Variants in GPM6A observed in about 807,000 individuals in gnomAD.
GPM6A encodes glycoprotein M6A, also known as neuronal membrane glycoprotein M6-a.
A neutral mutation model predicts 32.1 loss-of-function variants in GPM6A; 7 were observed. The ratio of observed to expected loss-of-function variants is 0.22; its 90% CI spans 0.12 to 0.41. The LOEUF (loss-of-function observed/expected upper bound fraction) is 0.41. Ranked by LOEUF, GPM6A falls within the 10% of genes least tolerant of loss-of-function variation. The pLI is 1.00. For synonymous variants in GPM6A, 130 were observed against 123.4 expected (o/e 1.05, Z -0.35); for missense variants, 235 against 347.2 (o/e 0.68, Z 2.57).
rs1383254558 is a variant in GPM6A, at chr4:175,818,448, T to C, written c.-22-6199A>G. ...ATACATATAGATATAGTCTGCAATA[T>C]ATATATAGAGAGAGAGTCAGTTCTA... On this transcript the variant is annotated intron_variant, in intron 1 of 7. Coordinates refer to the GPM6A transcript ENST00000280187. 3.3e-5 allele frequency among the ~76,000 whole-genome samples: 5 copies of C among 152,362 alleles called. No individual in the cohort carries two copies. The East Asian group carries it at 9.6e-4, about 29-fold the overall frequency.
upstream of GPM6A, among the ~76,000 whole-genome samples, chr4:175,813,753 C>G (rs975006643): frequency 5.3e-5 from 8 of 152,192 alleles, no homozygotes; most frequent in Admixed American, 4.6e-4. Flanking sequence ...CTAAATATTA[C>G]AAAAGCAGCT....
At chr4:175,856,053 C>T (rs889780277) in intron 1 of GPM6A, among the ~76,000 whole-genome samples, 4 of 152,030 alleles carry the variant, frequency 2.6e-5, no homozygotes, top group African/African-American at 7.2e-5. Context: ...AAATCTGGAA[C>T]ATCTTTTAGT....
chr4:175,848,318 A>G (rs980997498), intron 1 of GPM6A, among the ~76,000 whole-genome samples: 3 of 152,136 alleles, frequency 2.0e-5, no homozygotes, highest in Non-Finnish European at 4.4e-5. Flanking sequence ...CTATCTTTCC[A>G]TTTACCTCTG....
intron 1 of GPM6A, 79 bp downstream of exon 1, chr4:175,812,112 T>C: frequency 9.4e-7 from 1 of 1,064,134 alleles, no homozygotes; most frequent in Non-Finnish European, 1.4e-6. Flanking sequence ...TTCATTAGCC[T>C]TACTGGCAAG....
At chr4:175,835,585 AC>A (rs1305005528) in intron 1 of GPM6A, among the ~76,000 whole-genome samples, 5 of 148,340 alleles carry the variant, frequency 3.4e-5, no homozygotes, top group Non-Finnish European at 7.4e-5. Flanking sequence ...GTGTACTTCA[AC>A]CCCTTTTAGC....
intron 1 of GPM6A, chr4:175,962,296 T>A: frequency 8.1e-7 from 1 of 1,235,640 alleles, no homozygotes; most frequent in Non-Finnish European, 1.2e-6. Context: ...ACACCAGAAG[T>A]AAAAGTGAGT....
At chr4:175,734,249 T>A (rs1411851254) in intron 1 of GPM6A, among the ~76,000 whole-genome samples, 1 of 151,960 alleles carries the variant, frequency 6.6e-6, no homozygotes, top group African/African-American at 2.4e-5. Context: ...CAGAACCAGG[T>A]TCTGTTCCCT....
chr4:175,956,377 C>G (rs1250852906), intron 1 of GPM6A, among the ~76,000 whole-genome samples: 2 of 152,124 alleles, frequency 1.3e-5, no homozygotes, highest in African/African-American at 2.4e-5. Context: ...AAAGCGTCAC[C>G]TAATTTTTCT....
chr4:175,706,866 A>T (rs903247555), intron 1 of GPM6A, among the ~76,000 whole-genome samples: 2 of 152,188 alleles, frequency 1.3e-5, no homozygotes, highest in Non-Finnish European at 2.9e-5. Context: ...CTAAAACCCA[A>T]AAACCAAGAT....
chr4:175,960,786 C>T (rs186553725), intron 1 of GPM6A: 67 of 152,256 alleles, frequency 4.4e-4, no homozygotes, highest in African/African-American at 1.4e-3. Flanking sequence ...CAAAATTACA[C>T]AAGATCTCTT....
intron 1 of GPM6A, among the ~76,000 whole-genome samples, chr4:175,877,559 A>G (rs923498526): frequency 1.3e-5 from 2 of 152,114 alleles, no homozygotes; most frequent in African/African-American, 4.8e-5. Context: ...TGAAAGGGGA[A>G]GACCCTTATG....
At chr4:175,750,278 G>A (rs1212185958) in intron 1 of GPM6A, among the ~76,000 whole-genome samples, 4 of 151,980 alleles carry the variant, frequency 2.6e-5, no homozygotes, top group Admixed American at 6.6e-5. Flanking sequence ...GGCTAGTCTG[G>A]AACTCTTGAC....
At chr4:175,965,114 C>G (rs1233028204) in intron 1 of GPM6A, among the ~76,000 whole-genome samples, 1 of 152,128 alleles carries the variant, frequency 6.6e-6, no homozygotes, top group Non-Finnish European at 1.5e-5. Context: ...GCAGACTACC[C>G]ATTCTTCTCA....
At chr4:175,829,099 T>G (rs1262261395) in intron 1 of GPM6A, among the ~76,000 whole-genome samples, 1 of 152,126 alleles carries the variant, frequency 6.6e-6, no homozygotes, top group Non-Finnish European at 1.5e-5. Context: ...TCTGGCTAAT[T>G]TTTTGTATTT....
At chr4:175,961,715 G>A (rs1740169535) in intron 1 of GPM6A, among the ~76,000 whole-genome samples, 2 of 152,104 alleles carry the variant, frequency 1.3e-5, no homozygotes, top group South Asian at 4.1e-4. Context: ...TGGAGAGTGA[G>A]AGAGCAGCTC....
chr4:175,855,659 G>A (rs189136045), intron 1 of GPM6A, among the ~76,000 whole-genome samples: 2 of 152,290 alleles, frequency 1.3e-5, no homozygotes, highest in African/African-American at 2.4e-5. Context: ...GTAAATAGAT[G>A]ACAGATGATG....
intron 3 of GPM6A, 86 bp downstream of exon 3, chr4:175,673,594 C>T: frequency 2.2e-6 from 2 of 918,174 alleles, no homozygotes; most frequent in Non-Finnish European, 3.2e-6. Flanking sequence ...AAAAAAAATA[C>T]TTTAATTCTT....
chr4:175,816,932 T>A (rs910879868), upstream of GPM6A, among the ~76,000 whole-genome samples: 8 of 152,042 alleles, frequency 5.3e-5, no homozygotes, highest in African/African-American at 1.2e-4. Context: ...CGGTCTCGGC[T>A]CACTGCAAGC....
intron 1 of GPM6A, among the ~76,000 whole-genome samples, chr4:175,948,188 A>G (rs951104338): frequency 6.6e-6 from 1 of 152,196 alleles, no homozygotes; most frequent in African/African-American, 2.4e-5. Context: ...CATGTTATAG[A>G]CAGGATGTGT....
Sources: gnomAD v4.1 joint callset for allele counts (sites outside exome capture counted in the v4.1 genomes callset) on GRCh38, gnomAD v4.1.1 for gene constraint, MANE v1.5 for transcripts, NCBI Gene and HGNC (gene_info 2026-07-23, HGNC 2026-07-21) for gene names.